ERC2: variants seen among roughly 807,000 people sequenced by gnomAD.
The protein encoded by ERC2 is ERC protein 2.
ERC2 carries 42 observed loss-of-function variants against 114.8 expected under a neutral mutation model. The observed-to-expected ratio is 0.37, with a 90% confidence interval of 0.29 to 0.47. The LOEUF (loss-of-function observed/expected upper bound fraction) is 0.47. Ranked by LOEUF, ERC2 falls within the 20% of genes least tolerant of loss-of-function variation. The pLI, the probability that ERC2 is intolerant of heterozygous loss-of-function variation, is 0.99. For missense variants in ERC2, 939 were observed against 1,150.7 expected, an observed-to-expected ratio of 0.82 and a Z score of 2.66; for synonymous variants, 454 against 425.5, an observed-to-expected ratio of 1.07 and a Z score of -0.82.
chr3:56,036,404 A>G (rs1223054023), intron 7 of ERC2, among the ~76,000 whole-genome samples: 1 of 152,158 alleles, frequency 6.6e-6, no homozygotes, highest in African/African-American at 2.4e-5. Context: ...CAATAAAATC[A>G]TCCGAATCTG....
chr3:55,941,502 C>T (rs1433663334), intron 13 of ERC2, among the ~76,000 whole-genome samples: 2 of 152,184 alleles, frequency 1.3e-5, no homozygotes, highest in African/African-American at 4.8e-5. Flanking sequence ...AACTACATTA[C>T]AGTTTGACTT....
At chr3:55,769,264 G>A (rs528669666) in intron 14 of ERC2, among the ~76,000 whole-genome samples, 2 of 152,212 alleles carry the variant, frequency 1.3e-5, no homozygotes, top group East Asian at 1.9e-4. Context: ...CACTGCTGAT[G>A]AGGTCAAGTC....
chr3:56,449,044 C>A (rs1292437531), intron 1 of ERC2, among the ~76,000 whole-genome samples: 4 of 138,122 alleles, frequency 2.9e-5, no homozygotes, highest in African/African-American at 1.1e-4. Context: ...CACTGCACTC[C>A]AGCCTGGGCA....
intron 6 of ERC2, among the ~76,000 whole-genome samples, chr3:56,083,292 A>G (rs1266155329): frequency 6.6e-6 from 1 of 152,204 alleles, no homozygotes; most frequent in African/African-American, 2.4e-5. Flanking sequence ...GAAAGAATCT[A>G]GAGGATTTAT....
At chr3:56,175,923 GAT>G (rs979480092) in intron 3 of ERC2, among the ~76,000 whole-genome samples, 1 of 79,810 alleles carries the variant, frequency 1.3e-5, no homozygotes, top group Non-Finnish European at 4.1e-5. Flanking sequence ...GAGTCAATGT[GAT>G]GGTTTTTTTC....
At chr3:56,387,659 T>C (rs1414898502) in intron 2 of ERC2, among the ~76,000 whole-genome samples, 5 of 152,214 alleles carry the variant, frequency 3.3e-5, no homozygotes, top group Non-Finnish European at 1.5e-5. Flanking sequence ...ATAACCTCTC[T>C]AGTTGAGCTC....
intron 14 of ERC2, among the ~76,000 whole-genome samples, chr3:55,807,254 A>G (rs10470621): frequency 0.065 from 9,872 of 152,284 alleles, 507 homozygotes; most frequent in African/African-American, 0.14. Context: ...CCTTGTTTAG[A>G]CATTTTCTAA....
At chr3:55,518,765 G>T (rs1027885816) in intron 17 of ERC2, among the ~76,000 whole-genome samples, 2 of 152,254 alleles carry the variant, frequency 1.3e-5, no homozygotes, top group East Asian at 3.9e-4. Flanking sequence ...GTGGCGCCCT[G>T]GTGGCTATAT....
intron 17 of ERC2, among the ~76,000 whole-genome samples, chr3:55,542,577 C>T (rs1212739167): frequency 1.3e-5 from 2 of 152,116 alleles, no homozygotes; most frequent in African/African-American, 4.8e-5. Flanking sequence ...TGACTTCCCC[C>T]AAAACTTACT....
chr3:56,364,102 C>T (rs907005217), intron 2 of ERC2, among the ~76,000 whole-genome samples: 2 of 152,158 alleles, frequency 1.3e-5, no homozygotes, highest in Non-Finnish European at 2.9e-5. Flanking sequence ...TACAGAGCAA[C>T]ATGTACATTC....
At chr3:55,624,830 A>C (rs755053841) in intron 17 of ERC2, among the ~76,000 whole-genome samples, 1 of 152,108 alleles carries the variant, frequency 6.6e-6, no homozygotes, top group Non-Finnish European at 1.5e-5. Flanking sequence ...GAGAAAACTG[A>C]GGTTTCTACC....
intron 14 of ERC2, among the ~76,000 whole-genome samples, chr3:55,794,130 T>C (rs2070283473): frequency 1.3e-5 from 2 of 152,162 alleles, no homozygotes; most frequent in African/African-American, 4.8e-5. Flanking sequence ...TAGGAGACAG[T>C]GATATGAAAA....
chr3:56,017,074 T>C (rs1051641412), intron 8 of ERC2, among the ~76,000 whole-genome samples: 1 of 152,168 alleles, frequency 6.6e-6, no homozygotes, highest in African/African-American at 2.4e-5. Flanking sequence ...ACATTTCTTT[T>C]CTTGGTTTCA....
chr3:56,322,973 C>T (rs755548339), intron 2 of ERC2, among the ~76,000 whole-genome samples: 6 of 152,112 alleles, frequency 3.9e-5, no homozygotes, highest in Non-Finnish European at 8.8e-5. Context: ...GAGTGAGTTC[C>T]CACTCTCGCA....
At chr3:55,913,981 T>G (rs535994314) in intron 13 of ERC2, among the ~76,000 whole-genome samples, 2 of 151,820 alleles carry the variant, frequency 1.3e-5, no homozygotes, top group Admixed American at 6.6e-5. Flanking sequence ...CCTTCCCTTA[T>G]TCTTAAACTA....
intron 6 of ERC2, among the ~76,000 whole-genome samples, chr3:56,121,587 T>C (rs373179333): frequency 6.6e-6 from 1 of 152,228 alleles, no homozygotes; most frequent in African/African-American, 2.4e-5. Flanking sequence ...CCAGGCATTC[T>C]GTGCAGTTAA....
At chr3:56,368,134 C>T (rs1220229607) in intron 2 of ERC2, among the ~76,000 whole-genome samples, 7 of 149,740 alleles carry the variant, frequency 4.7e-5, no homozygotes, top group Non-Finnish European at 8.9e-5. Flanking sequence ...AACAAACCTG[C>T]ACATGTACCC....
At position 56,251,535 on chromosome 3, in the gene ERC2, G is replaced by T. The variant is rs150808342; in HGVS notation, c.1074+44484C>A. Among the ~76,000 whole-genome samples, 111 of 152,240 alleles carry T rather than the reference G, an allele frequency of 7.3e-4. No individual in the cohort carries two copies. In the East Asian group the frequency reaches 0.016, roughly 21 times the overall value. ...AAGAAAAAAATAAATCTCATTCAAG[G>T]CTGCCATCTAGTGGGCAAATGAGGT... On this transcript the variant is annotated intron_variant, in intron 3 of 17. Transcript: ENST00000288221.
chr3:55,877,381 G>T (rs2062904580), intron 14 of ERC2, among the ~76,000 whole-genome samples: 1 of 152,162 alleles, frequency 6.6e-6, no homozygotes, highest in African/African-American at 2.4e-5. Context: ...GAAAGACCAG[G>T]TCAGGCGTGC....
Sources: allele counts gnomAD v4.1 joint callset (sites outside exome capture counted in the v4.1 genomes callset), GRCh38; gene constraint gnomAD v4.1.1; transcripts MANE v1.5; gene names NCBI Gene and HGNC (gene_info 2026-07-23, HGNC 2026-07-21).